Variants in PXDNL observed in about 807,000 individuals in gnomAD.
PXDNL encodes the protein peroxidasin like.
PXDNL carries 145 observed loss-of-function variants against 150.8 expected under a neutral mutation model. The ratio of observed to expected loss-of-function variants is 0.96; its 90% CI spans 0.84 to 1.10. The LOEUF (loss-of-function observed/expected upper bound fraction) is 1.10. Among genes scored for constraint, PXDNL ranks in the 50% least tolerant of loss-of-function variants. PXDNL has a pLI of 0.00. For synonymous variants in PXDNL, 757 were observed against 725.7 expected (o/e 1.04, Z -0.69); for missense variants, 2,087 against 1,873.9 (o/e 1.11, Z -2.10).
At chr8:51,540,917 T>C (rs1242862737) in intron 4 of PXDNL, among the ~76,000 whole-genome samples, 4 of 152,134 alleles carry the variant, frequency 2.6e-5, no homozygotes, top group Admixed American at 1.3e-4. Flanking sequence ...ATGGAAACTG[T>C]GATTTTTAGT....
intron 1 of PXDNL, among the ~76,000 whole-genome samples, chr8:51,732,271 C>A (rs1001135262): frequency 6.6e-6 from 1 of 152,182 alleles, no homozygotes; most frequent in African/African-American, 2.4e-5. Flanking sequence ...CCACAAATCT[C>A]TAGGACAAGG....
intron 1 of PXDNL, among the ~76,000 whole-genome samples, chr8:51,729,249 AATATGTGCAAAATATATTTCTGAT>A (rs1478303566): frequency 1.3e-5 from 2 of 152,224 alleles, no homozygotes; most frequent in Non-Finnish European, 2.9e-5. Flanking sequence ...ACTGAAAGAA[AATATGTGCAAAATATATTTCTGAT>A]AAAAGATAGT....
chr8:51,758,452 T>C (rs560282709), intron 1 of PXDNL, among the ~76,000 whole-genome samples: 94 of 152,336 alleles, frequency 6.2e-4, no homozygotes, highest in African/African-American at 2.1e-3. Flanking sequence ...TATTTCAAGC[T>C]GAGGGAAGGG....
intron 1 of PXDNL, among the ~76,000 whole-genome samples, chr8:51,658,988 T>G (rs1259955767): frequency 1.2e-5 from 1 of 82,950 alleles, no homozygotes; most frequent in Non-Finnish European, 3.1e-5. Flanking sequence ...CCTTGTACAC[T>G]TGAAAAAATG....
At chr8:51,364,712 G>A (rs79221488) in intron 19 of PXDNL, among the ~76,000 whole-genome samples, 16,293 of 152,032 alleles carry the variant, frequency 0.11, 1,061 homozygotes, top group East Asian at 0.27. Context: ...AACAGAACAC[G>A]GATACCCTCC....
chr8:51,650,360 T>G (rs1047951072), intron 2 of PXDNL, among the ~76,000 whole-genome samples: 1 of 152,188 alleles, frequency 6.6e-6, no homozygotes, highest in Non-Finnish European at 1.5e-5. Context: ...TCACTCACCC[T>G]ATAGCCACCC....
At chr8:51,648,874 A>T (rs1814976662) in intron 2 of PXDNL, among the ~76,000 whole-genome samples, 1 of 152,192 alleles carries the variant, frequency 6.6e-6, no homozygotes, top group Non-Finnish European at 1.5e-5. Flanking sequence ...TTTTTACTAA[A>T]ATGTTTTACT....
intron 1 of PXDNL, among the ~76,000 whole-genome samples, chr8:51,755,228 T>A (rs770949553): frequency 3.3e-5 from 5 of 152,180 alleles, no homozygotes; most frequent in Non-Finnish European, 7.3e-5. Flanking sequence ...GAAGCATACC[T>A]TCATAATGAT....
intron 17 of PXDNL, among the ~76,000 whole-genome samples, chr8:51,387,974 G>A (rs10958264): frequency 0.2 from 30,025 of 151,920 alleles, 4,800 homozygotes; most frequent in African/African-American, 0.44. Flanking sequence ...GTTATTCCCT[G>A]TAAAAAATGA....
At chr8:51,725,645 C>G (rs2130924638) in intron 1 of PXDNL, among the ~76,000 whole-genome samples, 1 of 152,288 alleles carries the variant, frequency 6.6e-6, no homozygotes, top group East Asian at 1.9e-4. Context: ...CATTAGCTGC[C>G]TGGTTGTGAA....
At chr8:51,469,022 A>C (rs1245511730) in intron 8 of PXDNL, among the ~76,000 whole-genome samples, 1 of 152,022 alleles carries the variant, frequency 6.6e-6, no homozygotes, top group Admixed American at 6.5e-5. Flanking sequence ...CTACTTACTG[A>C]AACACAACCA....
chr8:51,328,888 G>T (rs1015096727), intron 21 of PXDNL, among the ~76,000 whole-genome samples: 1 of 152,130 alleles, frequency 6.6e-6, no homozygotes, highest in Non-Finnish European at 1.5e-5. Flanking sequence ...CATAAAAAAG[G>T]CCTCTATACC....
At chr8:51,427,281 G>A (rs1809131797) in intron 12 of PXDNL, among the ~76,000 whole-genome samples, 1 of 151,976 alleles carries the variant, frequency 6.6e-6, no homozygotes, top group African/African-American at 2.4e-5. Context: ...TCCCCAGGAA[G>A]GAATTAAAAT....
At chr8:51,728,340 CCTT>C (rs1816857063) in intron 1 of PXDNL, among the ~76,000 whole-genome samples, 1 of 152,126 alleles carries the variant, frequency 6.6e-6, no homozygotes, top group Admixed American at 6.5e-5. Flanking sequence ...TTTAGTTACT[CCTT>C]CTGCTTATAT....
At chr8:51,631,631 A>G (rs1181324906) in intron 2 of PXDNL, among the ~76,000 whole-genome samples, 1 of 152,182 alleles carries the variant, frequency 6.6e-6, no homozygotes, top group African/African-American at 2.4e-5. Flanking sequence ...GGTAATTATA[A>G]AGGACACAAT....
At chr8:51,514,743 G>T (rs1052425167) in intron 4 of PXDNL, among the ~76,000 whole-genome samples, 1 of 152,156 alleles carries the variant, frequency 6.6e-6, no homozygotes, top group East Asian at 1.9e-4. Context: ...GAGCAAGACC[G>T]TCTGGGGCTT....
At position 51,809,162 on chromosome 8, in the gene PXDNL, G is replaced by A. The variant is rs376619213; in HGVS notation, c.164+19C>T. The A allele has an allele frequency of 6.2e-7, 1 of 1,613,154 alleles. No individual in the cohort carries two copies. The highest frequency in any genetic ancestry group is 8.5e-7 in the Non-Finnish European group (1 of 1,179,512). ...AAGCATTGGGGAAGAGGGTTTCTGG[G>A]GAATTTATGTGAACTTACAGAACTG... On this transcript the variant is annotated intron_variant, in intron 1 of 22. Transcript: ENST00000356297.
intron 5 of PXDNL, among the ~76,000 whole-genome samples, chr8:51,490,860 C>A (rs903449002): frequency 6.6e-6 from 1 of 151,528 alleles, no homozygotes; most frequent in Non-Finnish European, 1.5e-5. Context: ...AAATCTATTA[C>A]CTAGCTGTGA....
intron 1 of PXDNL, among the ~76,000 whole-genome samples, chr8:51,705,326 G>A (rs1038063377): frequency 6.6e-6 from 1 of 152,170 alleles, no homozygotes; most frequent in Non-Finnish European, 1.5e-5. Context: ...AAAATTAAAG[G>A]AAAGCTCTTG....
Sources: gnomAD v4.1 joint callset for allele counts (sites outside exome capture counted in the v4.1 genomes callset) on GRCh38, gnomAD v4.1.1 for gene constraint, MANE v1.5 for transcripts, NCBI Gene and HGNC (gene_info 2026-07-23, HGNC 2026-07-21) for gene names.